The following PTN variants were observed in gnomAD, a reference collection of about 807,000 sequenced individuals.
PTN encodes the protein heparin affin regulatory protein.
A neutral mutation model predicts 24.1 loss-of-function variants in PTN; 18 were observed. The ratio of observed to expected loss-of-function variants is 0.75; its 90% CI spans 0.52 to 1.11. PTN has a LOEUF of 1.11. PTN is among the 50% of genes least tolerant of loss of function. The pLI is 0.00. For missense variants in PTN, 163 were observed against 198.8 expected (o/e 0.82, Z 1.08); for synonymous variants, 78 against 68.6 (o/e 1.14, Z -0.67).
At chr7:137,324,433 A>AAAAAAAAAAAAAAAAAAT in intron 1 of PTN, among the ~76,000 whole-genome samples, 12 of 88,758 alleles carry the variant, frequency 1.4e-4, no homozygotes, top group African/African-American at 7.6e-4. Context: ...AAAAAAAAAA[A>AAAAAAAAAAAAAAAAAAT]ATATATATAT....
chr7:137,341,374 G>A (rs915229660), intron 1 of PTN, among the ~76,000 whole-genome samples: 11 of 150,962 alleles, frequency 7.3e-5, no homozygotes, highest in African/African-American at 2.7e-4. Flanking sequence ...TATATGTGAA[G>A]CCCAAATAAG....
intron 1 of PTN, among the ~76,000 whole-genome samples, chr7:137,265,770 G>A (rs562309599): frequency 1.6e-4 from 25 of 151,926 alleles, no homozygotes; most frequent in Non-Finnish European, 2.6e-4. Context: ...TTTGTTTAAC[G>A]TGCAGATGGA....
intron 3 of PTN, among the ~76,000 whole-genome samples, chr7:137,251,906 G>A (rs1488102540): frequency 6.6e-6 from 1 of 151,734 alleles, no homozygotes; most frequent in East Asian, 1.9e-4. Flanking sequence ...TGGTCCCAAT[G>A]TACCCCAGTT....
In PTN at chr7:137,253,538, G is replaced by C; in HGVS notation, c.215C>G (p.Thr72Ser). 4 of 1,612,478 alleles carry C rather than the reference G, an allele frequency of 2.5e-6. No homozygotes were observed. Among genetic ancestry groups the C allele is most frequent in the Non-Finnish European group, 3.4e-6 (4 of 1,179,334 alleles). ...CGLGTREGTR[T>S]GAECKQTMKT... is the part of the protein sequence containing the mutation. ...CATGGTTTGCTTGCACTCAGCTCCA[G>C]TCCGAGTGCCCTCCCGTGTGCCCAG... Residue 72 changes from threonine to serine, a missense_variant, in exon 3 of 5, where the codon ACT (threonine) becomes AGT (serine). Coordinates refer to ENST00000348225, the MANE Select transcript of PTN (RefSeq NM_002825.7).
intron 1 of PTN, among the ~76,000 whole-genome samples, chr7:137,285,244 T>A (rs796528874): frequency 2.6e-5 from 4 of 152,326 alleles, no homozygotes; most frequent in African/African-American, 9.6e-5. Flanking sequence ...CATGCATAGA[T>A]AATAGGATAC....
intron 4 of PTN, among the ~76,000 whole-genome samples, chr7:137,233,332 T>C (rs748534728): frequency 6.6e-6 from 1 of 151,994 alleles, no homozygotes; most frequent in East Asian, 1.9e-4. Context: ...CTCTGTTTCC[T>C]ATAAACTGGG....
intron 1 of PTN, among the ~76,000 whole-genome samples, chr7:137,301,574 T>TA (rs35933215): frequency 0.15 from 22,812 of 149,182 alleles, 3,250 homozygotes; most frequent in African/African-American, 0.38. Flanking sequence ...GTATATTAAG[T>TA]AAAAAAAAAA....
chr7:137,247,573 A>T (rs938031621), intron 4 of PTN, among the ~76,000 whole-genome samples: 1 of 152,178 alleles, frequency 6.6e-6, no homozygotes, highest in Non-Finnish European at 1.5e-5. Context: ...GAAAGAATGA[A>T]TAAGACCTAC....
rs753021562 is a variant in PTN at position 137,228,003 on chromosome 7, T to G, written c.*17A>C. 8 of 1,606,952 alleles carry G rather than the reference T, an allele frequency of 5.0e-6. No homozygotes were observed. The South Asian group carries it at 7.8e-5, about 16-fold the overall frequency. On this transcript the variant is annotated 3_prime_UTR_variant, in exon 5 of 5. Coordinates refer to ENST00000348225, the MANE Select transcript of PTN (RefSeq NM_002825.7). ...CTGTTTGCTGATGTCCTTTTTATGT[T>G]CCACAGGTGACATCTTTTAATCCAG... is the stretch of plus-strand genomic sequence containing the variant.
chr7:137,258,936 A>C (rs1368344236), intron 1 of PTN, among the ~76,000 whole-genome samples: 1 of 152,056 alleles, frequency 6.6e-6, no homozygotes, highest in African/African-American at 2.4e-5. Flanking sequence ...ATAGTGCGAG[A>C]ATAAAGCCTT....
At chr7:137,331,431 T>C (rs1005621979) in intron 1 of PTN, among the ~76,000 whole-genome samples, 2 of 152,174 alleles carry the variant, frequency 1.3e-5, no homozygotes, top group East Asian at 3.8e-4. Flanking sequence ...TTGGTGGGAA[T>C]CCCAATACTG....
chr7:137,251,839 C>A (rs898286874), intron 3 of PTN, among the ~76,000 whole-genome samples: 4 of 151,864 alleles, frequency 2.6e-5, no homozygotes, highest in African/African-American at 4.9e-5. Flanking sequence ...TCCTGAAGAT[C>A]CATCCAAGTC....
chr7:137,324,535 T>G, intron 1 of PTN, among the ~76,000 whole-genome samples: 1 of 150,920 alleles, frequency 6.6e-6, no homozygotes. Context: ...CCCCATGAGA[T>G]TCTAAAGAAC....
intron 3 of PTN, among the ~76,000 whole-genome samples, chr7:137,252,994 A>G (rs776515871): frequency 6.6e-6 from 1 of 152,150 alleles, no homozygotes; most frequent in Non-Finnish European, 1.5e-5. Context: ...AGAAACATGG[A>G]GAAGCAGGAG....
intron 4 of PTN, among the ~76,000 whole-genome samples, chr7:137,247,549 G>C (rs13229790): frequency 0.16 from 24,725 of 151,756 alleles, 2,508 homozygotes; most frequent in African/African-American, 0.28. Flanking sequence ...ATGGTTAATG[G>C]GTACAAAAAA....
intron 1 of PTN, among the ~76,000 whole-genome samples, chr7:137,267,391 T>A (rs1351203644): frequency 1.3e-5 from 2 of 152,008 alleles, no homozygotes; most frequent in Non-Finnish European, 2.9e-5. Context: ...TTCTCTTAAC[T>A]ACTGTTGGGG....
intron 1 of PTN, among the ~76,000 whole-genome samples, chr7:137,265,366 G>A (rs1359953164): frequency 3.3e-5 from 5 of 152,046 alleles, no homozygotes; most frequent in East Asian, 1.9e-4. Context: ...CCAGTTATTC[G>A]GCAGAGTGCC....
At chr7:137,300,156 C>T (rs905846313) in intron 1 of PTN, among the ~76,000 whole-genome samples, 1 of 151,806 alleles carries the variant, frequency 6.6e-6, no homozygotes, top group African/African-American at 2.4e-5. Context: ...ATTGATATTA[C>T]ATTAAAATTC....
At chr7:137,280,871 CAAAAAAA>C (rs545644934) in intron 1 of PTN, among the ~76,000 whole-genome samples, 3 of 65,736 alleles carry the variant, frequency 4.6e-5, no homozygotes, top group Non-Finnish European at 9.7e-5. Context: ...GACTTTGTCT[CAAAAAAA>C]AAAAAAAAAA....
Sources: allele counts gnomAD v4.1 joint callset (sites outside exome capture counted in the v4.1 genomes callset), GRCh38; gene constraint gnomAD v4.1.1; transcripts MANE v1.5; gene names NCBI Gene and HGNC (gene_info 2026-07-23, HGNC 2026-07-21).